SNX29: variants seen among roughly 807,000 people sequenced by gnomAD.
SNX29 encodes sorting nexin-29.
Under a neutral mutation model 102.1 loss-of-function variants are expected in SNX29, and 78 were observed. That is an observed-to-expected ratio of 0.76 (90% CI 0.64 to 0.92). The LOEUF (loss-of-function observed/expected upper bound fraction) is 0.92, where lower values mean the gene tolerates loss of function less well. SNX29 is among the 40% of genes least tolerant of loss of function. The pLI is 0.00. For missense variants in SNX29, 1,280 were observed against 1,061.7 expected (o/e 1.21, Z -2.86); for synonymous variants, 580 against 414.5 (o/e 1.40, Z -4.85).
At position 12,404,717 on chromosome 16, in the gene SNX29, A is replaced by C. The variant is rs148343693; in HGVS notation, c.2037+1188A>C. On this transcript the variant is annotated intron_variant, in intron 18 of 20. Transcript: ENST00000566228. The stretch of plus-strand genomic sequence containing the variant: ...ACTTGAAAGCGGAATCCCTGGTTTA[A>C]ATCCTGTGACCTTAGATGAGTCTTA... Among the ~76,000 whole-genome samples the C allele has an allele frequency of 1.3e-4, 20 of 152,330 alleles. No individual in the cohort carries two copies. The East Asian group carries it at 3.5e-3, about 26-fold the overall frequency.
chr16:12,294,087 G>C (rs1014657681), intron 15 of SNX29, among the ~76,000 whole-genome samples: 3 of 152,218 alleles, frequency 2.0e-5, no homozygotes, highest in African/African-American at 7.2e-5. Context: ...GGAGATGACG[G>C]TCAGTCCCCA....
intron 14 of SNX29, among the ~76,000 whole-genome samples, chr16:12,209,532 C>T (rs2077129217): frequency 1.3e-5 from 2 of 152,202 alleles, no homozygotes; most frequent in African/African-American, 2.4e-5. Context: ...TGTCCTCTCA[C>T]TCTCCAGCTC....
At chr16:12,213,820 C>T (rs879404377) in intron 14 of SNX29, among the ~76,000 whole-genome samples, 1 of 152,304 alleles carries the variant, frequency 6.6e-6, no homozygotes, top group Admixed American at 6.5e-5. Flanking sequence ...GTGGCCACCC[C>T]AAATTGCAAG....
intron 14 of SNX29, among the ~76,000 whole-genome samples, chr16:12,210,679 G>A (rs1261045525): frequency 6.6e-6 from 1 of 151,848 alleles, no homozygotes; most frequent in African/African-American, 2.4e-5. Context: ...CTTGCTTCAG[G>A]TTGTAGCCAA....
intron 15 of SNX29, among the ~76,000 whole-genome samples, chr16:12,336,752 C>T (rs1414510311): frequency 6.6e-6 from 1 of 152,078 alleles, no homozygotes; most frequent in East Asian, 1.9e-4. Flanking sequence ...GGAGACCATA[C>T]TGGCCAACAT....
chr16:12,493,696 A>T (rs1015202269), intron 19 of SNX29, among the ~76,000 whole-genome samples: 4 of 152,134 alleles, frequency 2.6e-5, no homozygotes, highest in Non-Finnish European at 5.9e-5. Flanking sequence ...GGTTCAAATG[A>T]TTGTCCTGCC....
intron 18 of SNX29, among the ~76,000 whole-genome samples, chr16:12,408,843 G>A (rs190781677): frequency 6.6e-6 from 1 of 152,308 alleles, no homozygotes; most frequent in Admixed American, 6.5e-5. Context: ...CATCCTACAT[G>A]CCAAAGAAAT....
intron 11 of SNX29, among the ~76,000 whole-genome samples, chr16:12,102,929 ATCACGAGTGAACTCCCAT>A (rs1445996996): frequency 6.6e-6 from 1 of 152,230 alleles, no homozygotes; most frequent in African/African-American, 2.4e-5. Flanking sequence ...AGAGAGCCAA[ATCACGAGTGAACTCCCAT>A]TCATAATTGC....
intron 20 of SNX29, among the ~76,000 whole-genome samples, chr16:12,547,429 C>G (rs183525674): frequency 6.6e-6 from 1 of 152,058 alleles, no homozygotes; most frequent in African/African-American, 2.4e-5. Context: ...GTGGGCACCC[C>G]GGGGAGAGGG....
At chr16:12,516,373 T>C (rs1210844708) in intron 19 of SNX29, among the ~76,000 whole-genome samples, 3 of 150,476 alleles carry the variant, frequency 2.0e-5, no homozygotes, top group African/African-American at 7.3e-5. Context: ...CCAGCTACAC[T>C]GGAGGCTGAG....
intron 18 of SNX29, among the ~76,000 whole-genome samples, chr16:12,465,146 G>T (rs2086993842): frequency 6.6e-6 from 1 of 152,178 alleles, no homozygotes; most frequent in Non-Finnish European, 1.5e-5. Flanking sequence ...AGATATGGGG[G>T]TTGCAAATAT....
chr16:12,302,668 T>C (rs1311619555), intron 15 of SNX29, among the ~76,000 whole-genome samples: 1 of 152,236 alleles, frequency 6.6e-6, no homozygotes, highest in Non-Finnish European at 1.5e-5. Context: ...TACATTACCT[T>C]GGGGGTTAGA....
chr16:12,526,826 T>A (rs771033581), intron 20 of SNX29: 2 of 404,240 alleles, frequency 4.9e-6, no homozygotes, highest in Non-Finnish European at 9.3e-6. Context: ...GTCCAGTGTT[T>A]CCCAAACATT....
In SNX29 at chr16:12,572,047, A is replaced by C. The variant is rs956828253; in HGVS notation, c.*3418A>C. The C allele has an allele frequency of 1.5e-5, 16 of 1,063,418 alleles. No homozygotes were observed. The highest frequency in any genetic ancestry group is 3.3e-5 in the African/African-American group (2 of 60,942). The allele number at this position is 1,063,418 out of a possible 1,614,324, so 65.9% of individuals were successfully genotyped here. A position where few individuals can be genotyped will look rare whatever the true frequency, so the allele number is the denominator to read the frequency against. On this transcript the variant is annotated 3_prime_UTR_variant, in exon 21 of 21. Transcript: ENST00000566228. Reference sequence around the variant, plus strand: ...AAAAGGGATCATCCAGTGGAGTTGTAAACAAGGGAACCATCTTGCAAGATC... The same window carrying C: ...AAAAGGGATCATCCAGTGGAGTTGTCAACAAGGGAACCATCTTGCAAGATC...
intron 1 of SNX29, among the ~76,000 whole-genome samples, chr16:11,990,772 C>T (rs372145477): frequency 2.2e-4 from 34 of 152,268 alleles, no homozygotes; most frequent in African/African-American, 7.2e-4. Context: ...GATTATGATG[C>T]GGGCCTGGTC....
intron 19 of SNX29, among the ~76,000 whole-genome samples, chr16:12,484,654 A>C (rs2088138647): frequency 6.6e-6 from 1 of 151,618 alleles, no homozygotes; most frequent in Non-Finnish European, 1.5e-5. Context: ...GGGCCTTTGC[A>C]CCTGTCACAC....
chr16:12,517,204 G>A (rs970208254), intron 19 of SNX29, among the ~76,000 whole-genome samples: 19 of 152,178 alleles, frequency 1.2e-4, no homozygotes, highest in African/African-American at 4.6e-4. Context: ...GGTTCCATAC[G>A]CTGGGTTTGC....
At chr16:12,285,556 C>G (rs1284848628) in intron 15 of SNX29, among the ~76,000 whole-genome samples, 1 of 152,102 alleles carries the variant, frequency 6.6e-6, no homozygotes, top group Non-Finnish European at 1.5e-5. Context: ...AAAAAATACA[C>G]TCATAATCAC....
At chr16:12,490,318 T>G (rs1597585801) in intron 19 of SNX29, among the ~76,000 whole-genome samples, 1 of 152,248 alleles carries the variant, frequency 6.6e-6, no homozygotes. Flanking sequence ...CCTTTGTATC[T>G]GGCTTCTTTC....
Sources: allele counts gnomAD v4.1 joint callset (sites outside exome capture counted in the v4.1 genomes callset), GRCh38; gene constraint gnomAD v4.1.1; transcripts MANE v1.5; gene names NCBI Gene and HGNC (gene_info 2026-07-23, HGNC 2026-07-21).